Variants in GCLC observed in about 807,000 individuals in gnomAD.
GCLC encodes glutamate--cysteine ligase catalytic subunit.
A neutral mutation model predicts 81.5 loss-of-function variants in GCLC; 30 were observed. That is an observed-to-expected ratio of 0.37 (90% CI 0.28 to 0.50). The LOEUF (loss-of-function observed/expected upper bound fraction) is 0.50. GCLC is among the 20% of genes least tolerant of loss of function. GCLC has a pLI of 0.96. For missense variants in GCLC, 556 were observed against 777.4 expected, an observed-to-expected ratio of 0.72 and a Z score of 3.39; for synonymous variants, 262 against 273.3, an observed-to-expected ratio of 0.96 and a Z score of 0.41.
chr6:53,541,568 T>G (rs1763355558), intron 1 of GCLC, among the ~76,000 whole-genome samples: 1 of 152,116 alleles, frequency 6.6e-6, no homozygotes, highest in Non-Finnish European at 1.5e-5. Flanking sequence ...CCACCTCAGT[T>G]TGTTTACTCC....
intron 1 of GCLC, among the ~76,000 whole-genome samples, chr6:53,542,781 C>T (rs575979834): frequency 2.5e-5 from 2 of 81,352 alleles, no homozygotes; most frequent in Non-Finnish European, 4.7e-5. Flanking sequence ...TTTGGGAAGC[C>T]GAGGCGGGTG....
chr6:53,534,544 G>A (rs140807181), intron 1 of GCLC, among the ~76,000 whole-genome samples: 2 of 151,910 alleles, frequency 1.3e-5, no homozygotes, highest in South Asian at 2.1e-4. Context: ...AAGACACTGC[G>A]TATCAGATAA....
chr6:53,527,602 G>A (rs1046354019), intron 1 of GCLC, among the ~76,000 whole-genome samples: 1 of 152,138 alleles, frequency 6.6e-6, no homozygotes, highest in African/African-American at 2.4e-5. Flanking sequence ...CCTGTTCTCA[G>A]GCTTACACTG....
At chr6:53,508,779 G>A in intron 7 of GCLC, 68 bp from the exon 8 acceptor site, 1 of 1,036,844 alleles carries the variant, frequency 9.6e-7, no homozygotes, top group Non-Finnish European at 1.5e-6. Context: ...AAAGCTCCAT[G>A]CAGTTATATT....
chr6:53,497,619 A>C lies in GCLC; in HGVS notation c.*1137T>G, dbSNP rs1291413249. The C allele has an allele frequency of 6.6e-6, 1 of 151,772 alleles. No homozygotes were observed. The highest frequency in any genetic ancestry group is 3.2e-3 in the Middle Eastern group (1 of 314). The allele number at this position is 151,772 out of a possible 1,614,324, so 9.4% of individuals were successfully genotyped here. On this transcript the variant is annotated 3_prime_UTR_variant, in exon 16 of 16. Transcript: ENST00000650454. The stretch of plus-strand genomic sequence containing the variant: ...TCTGCATAATCTACAATACAGAGTT[A>C]TTTCAGAAGCAGTTGACTTAACTAG...
intron 6 of GCLC, among the ~76,000 whole-genome samples, chr6:53,512,264 A>G (rs1250571115): frequency 6.6e-6 from 1 of 152,098 alleles, no homozygotes; most frequent in Non-Finnish European, 1.5e-5. Context: ...GTGCTTTTTA[A>G]GTGATTCCTG....
rs187405244 is a variant in GCLC, at chr6:53,509,710, G to A, written c.754-460C>T. 368 of 190,432 alleles carry A rather than the reference G, an allele frequency of 1.9e-3. 2 individuals carry two copies. Among genetic ancestry groups the A allele is most frequent in the African/African-American group, 8.3e-3 (350 of 41,986 alleles). The allele number at this position is 190,432 out of a possible 1,614,324, so 11.8% of individuals were successfully genotyped here. A position where few individuals can be genotyped will look rare whatever the true frequency, so the allele number is the denominator to read the frequency against. On this transcript the variant is annotated intron_variant, in intron 6 of 15. Transcript: ENST00000650454. ...GTCGCCCAGGCTGGGGTGCAGTGGCGCGCTCTCGGCTCACTGAAAGCTCCA... is the reference window on the plus strand; with the variant it reads ...GTCGCCCAGGCTGGGGTGCAGTGGCACGCTCTCGGCTCACTGAAAGCTCCA...
At position 53,514,309 on chromosome 6, in the gene GCLC, T is replaced by C; in HGVS notation, c.648A>G (p.Pro216=). ...PIFKDKNTPS[P]FIETFTEDDE... is the part of the protein sequence containing the mutation. ...CATCCTCAGTAAATGTTTCTATAAA[T>C]GGAGATGGTGTATTCTTGTCCTTAA... The change falls in exon 6 of 16, where the codon CCA becomes CCG. Residue 216 remains proline (P), a synonymous_variant. Transcript: ENST00000650454. The C allele has an allele frequency of 6.3e-7, 1 of 1,596,086 alleles. No individual in the cohort carries two copies. The highest frequency in any genetic ancestry group is 1.1e-5 in the South Asian group (1 of 90,728).
intron 1 of GCLC, among the ~76,000 whole-genome samples, chr6:53,533,237 C>T (rs914289656): frequency 6.6e-6 from 1 of 152,216 alleles, no homozygotes; most frequent in Admixed American, 6.5e-5. Context: ...CTTCTAAAAA[C>T]TATCATCAAG....
At chr6:53,531,574 T>C (rs1763172469) in intron 1 of GCLC, among the ~76,000 whole-genome samples, 2 of 152,196 alleles carry the variant, frequency 1.3e-5, no homozygotes, top group South Asian at 4.1e-4. Flanking sequence ...CACACGATGT[T>C]GCAGCTACAC....
chr6:53,521,966 T>C (rs886356776), intron 2 of GCLC, among the ~76,000 whole-genome samples: 7 of 151,884 alleles, frequency 4.6e-5, no homozygotes, highest in Admixed American at 3.9e-4. Flanking sequence ...AGAGTGAGAC[T>C]CCGTCTCAAA....
chr6:53,514,517 G>C lies in GCLC; in HGVS notation c.561-20C>G. ...AAGGTACTAAAACAGACAACCAAAC[G>C]TCATAAATTGGTCACCTAAGAGTCA... On this transcript the variant is annotated intron_variant, in intron 4 of 15. Coordinates refer to ENST00000650454, the MANE Select transcript of GCLC (RefSeq NM_001498.4). The C allele has an allele frequency of 6.3e-7, 1 of 1,591,026 alleles. No individual in the cohort carries two copies. Among genetic ancestry groups the C allele is most frequent in the Non-Finnish European group, 8.6e-7 (1 of 1,159,068 alleles).
At chr6:53,537,292 C>A (rs1301408341) in intron 1 of GCLC, among the ~76,000 whole-genome samples, 1 of 152,132 alleles carries the variant, frequency 6.6e-6, no homozygotes, top group South Asian at 2.1e-4. Flanking sequence ...TAGGGGTTAA[C>A]GGACAATAAA....
intron 1 of GCLC, among the ~76,000 whole-genome samples, chr6:53,539,731 C>T (rs370385386): frequency 2.2e-4 from 34 of 152,262 alleles, no homozygotes; most frequent in Non-Finnish European, 3.4e-4. Context: ...TTCTGTCCTG[C>T]GGGCCATTCT....
Position 53,506,027 on chromosome 6 carries a change from G to T in GCLC, c.1198-132C>A. The T allele has an allele frequency of 1.4e-6, 1 of 704,374 alleles. No homozygotes were observed. Among genetic ancestry groups the T allele is most frequent in the East Asian group, 2.7e-5 (1 of 36,894 alleles). 43.6% of individuals were successfully genotyped at this position (704,374 alleles called of 1,614,324 possible). On this transcript the variant is annotated intron_variant, in intron 10 of 15. Transcript: ENST00000650454. The surrounding 1 kb of genome is among the most constrained non-coding windows in gnomAD (Gnocchi z 4.0). ...AATTTCAATTGACAAAGACAAAAAG[G>T]TACAATTGAAGATTTTCTTCGAGTG... is the stretch of plus-strand genomic sequence containing the variant.
intron 12 of GCLC, among the ~76,000 whole-genome samples, chr6:53,501,568 T>TA (rs1255613374): frequency 5.9e-5 from 9 of 151,996 alleles, no homozygotes; most frequent in African/African-American, 1.9e-4. Flanking sequence ...AGTGACCAGT[T>TA]AGAGGGCCAG....
chr6:53,511,899 T>G (rs1764754071), intron 6 of GCLC, among the ~76,000 whole-genome samples: 2 of 59,874 alleles, frequency 3.3e-5, no homozygotes, highest in Non-Finnish European at 6.2e-5. Context: ...CACATGACTT[T>G]GGGGGGGGGG....
chr6:53,536,529 T>C (rs1048374058), intron 1 of GCLC, among the ~76,000 whole-genome samples: 12 of 152,224 alleles, frequency 7.9e-5, no homozygotes, highest in African/African-American at 2.9e-4. Context: ...GAGTACTAAT[T>C]AGCAAGCTCG....
chr6:53,531,666 G>A (rs543632204), intron 1 of GCLC, among the ~76,000 whole-genome samples: 1 of 152,236 alleles, frequency 6.6e-6, no homozygotes, highest in South Asian at 2.1e-4. Context: ...TTTTACCTCA[G>A]TATTTCAAGA....
Sources: allele counts gnomAD v4.1 joint callset (sites outside exome capture counted in the v4.1 genomes callset), GRCh38; gene constraint gnomAD v4.1.1; non-coding constraint Gnocchi (gnomAD v3.1); transcripts MANE v1.5; gene names NCBI Gene and HGNC (gene_info 2026-07-23, HGNC 2026-07-21).